Variants in DLG2 observed in about 807,000 individuals in gnomAD.
DLG2 encodes disks large homolog 2.
A neutral mutation model predicts 132.5 loss-of-function variants in DLG2; 45 were observed. The ratio of observed to expected loss-of-function variants is 0.34; its 90% CI spans 0.27 to 0.44. The LOEUF (loss-of-function observed/expected upper bound fraction) is 0.44, where lower values mean the gene tolerates loss of function less well. DLG2 is among the 20% of genes least tolerant of loss of function. The pLI is 1.00. For missense variants in DLG2, 1,045 were observed against 1,196.9 expected (o/e 0.87, Z 1.87); for synonymous variants, 424 against 419.6 (o/e 1.01, Z -0.13).
intron 6 of DLG2, among the ~76,000 whole-genome samples, chr11:84,579,188 CGTGTGTGTGTGTGT>C (rs140667305): frequency 2.7e-5 from 4 of 145,596 alleles, no homozygotes; most frequent in African/African-American, 5.1e-5. Context: ...GCATTATTCA[CGTGTGTGTGTGTGT>C]GTGTGTGTGT....
At chr11:84,367,430 A>G (rs149315081) in intron 7 of DLG2, among the ~76,000 whole-genome samples, 2 of 152,214 alleles carry the variant, frequency 1.3e-5, no homozygotes, top group Non-Finnish European at 2.9e-5. Context: ...CATGAACTGT[A>G]GTTGTCAAGT....
chr11:84,953,067 C>T (rs1288209165), intron 6 of DLG2, among the ~76,000 whole-genome samples: 1 of 152,146 alleles, frequency 6.6e-6, no homozygotes, highest in African/African-American at 2.4e-5. Flanking sequence ...TTTTTTAAAA[C>T]CTGGTCCATT....
chr11:84,338,083 CA>C lies in DLG2; in HGVS notation c.520-86793del, dbSNP rs770562575. Among the ~76,000 whole-genome samples the C allele has an allele frequency of 2.3e-4, 35 of 149,708 alleles. 1 individual carries two copies. Among genetic ancestry groups the C allele is most frequent in the Middle Eastern group, 3.4e-3 (1 of 292 alleles). On this transcript the variant is annotated intron_variant, in intron 7 of 27. Coordinates refer to ENST00000376104, the MANE Select transcript of DLG2 (RefSeq NM_001142699.3). ...CAATGCTTAGCATACAACTTGGTAC[CA>C]AAAAAAAATAAGAGAGATATTTATT...
At chr11:85,584,758 AG>A (rs1488365504) in intron 3 of DLG2, among the ~76,000 whole-genome samples, 1 of 152,112 alleles carries the variant, frequency 6.6e-6, no homozygotes, top group African/African-American at 2.4e-5. Context: ...TTACTGATGT[AG>A]AGCATTTTCT....
chr11:84,626,108 T>A (rs1416079553), intron 6 of DLG2, among the ~76,000 whole-genome samples: 3 of 152,222 alleles, frequency 2.0e-5, no homozygotes, highest in Non-Finnish European at 4.4e-5. Flanking sequence ...TTATCTTTTA[T>A]TATGAAAACA....
chr11:84,729,566 T>G (rs1310519129), intron 6 of DLG2, among the ~76,000 whole-genome samples: 1 of 152,014 alleles, frequency 6.6e-6, no homozygotes, highest in Non-Finnish European at 1.5e-5. Flanking sequence ...TGAATTGGAG[T>G]GGAGAGTTCT....
chr11:85,104,050 T>G (rs2071306657), intron 6 of DLG2, among the ~76,000 whole-genome samples: 1 of 151,844 alleles, frequency 6.6e-6, no homozygotes, highest in Non-Finnish European at 1.5e-5. Flanking sequence ...ATACAAAAGA[T>G]AGGTAATAAC....
intron 3 of DLG2, among the ~76,000 whole-genome samples, chr11:85,490,672 T>C (rs1258421567): frequency 2.6e-5 from 4 of 152,032 alleles, no homozygotes; most frequent in Non-Finnish European, 1.5e-5. Context: ...AAGCACTATA[T>C]GCTCACAAAC....
chr11:85,019,205 T>G (rs2059823552), intron 6 of DLG2, among the ~76,000 whole-genome samples: 1 of 152,188 alleles, frequency 6.6e-6, no homozygotes, highest in Non-Finnish European at 1.5e-5. Flanking sequence ...CTTTTTATTG[T>G]TAAGTCATAA....
chr11:85,400,940 A>T (rs1044072786), intron 3 of DLG2, among the ~76,000 whole-genome samples: 15 of 142,358 alleles, frequency 1.1e-4, no homozygotes, highest in South Asian at 4.5e-4. Context: ...AATAATAATT[A>T]AAAAAAAAAA....
At chr11:84,172,518 C>CTTATTTAT (rs71066098) in intron 8 of DLG2, among the ~76,000 whole-genome samples, 1,774 of 134,504 alleles carry the variant, frequency 0.013, 14 homozygotes, top group Non-Finnish European at 0.02. Flanking sequence ...TTTTTCCATT[C>CTTATTTAT]TTATTTATTT....
chr11:84,795,527 C>T (rs995075959), intron 6 of DLG2, among the ~76,000 whole-genome samples: 1 of 152,154 alleles, frequency 6.6e-6, no homozygotes, highest in African/African-American at 2.4e-5. Flanking sequence ...TGTTCTGTCA[C>T]TCAGTAAAGC....
intron 11 of DLG2, among the ~76,000 whole-genome samples, chr11:84,021,374 A>G (rs1353411579): frequency 6.6e-6 from 1 of 152,138 alleles, no homozygotes; most frequent in Non-Finnish European, 1.5e-5. Context: ...ATGATTTACA[A>G]TCTGTTATAA....
intron 7 of DLG2, among the ~76,000 whole-genome samples, chr11:84,357,365 C>T (rs540777811): frequency 4.5e-4 from 69 of 152,124 alleles, no homozygotes; most frequent in Middle Eastern, 6.8e-3. Context: ...ACTCCAAGTC[C>T]ATGTATGTCT....
intron 7 of DLG2, among the ~76,000 whole-genome samples, chr11:84,374,371 G>C (rs1366697864): frequency 6.6e-6 from 1 of 152,160 alleles, no homozygotes; most frequent in Non-Finnish European, 1.5e-5. Flanking sequence ...ATGTTCTAAA[G>C]CAAGCTTGTT....
At chr11:84,171,029 G>A (rs1422772591) in intron 8 of DLG2, among the ~76,000 whole-genome samples, 2 of 152,020 alleles carry the variant, frequency 1.3e-5, no homozygotes, top group Non-Finnish European at 2.9e-5. Context: ...CTAAATAGTG[G>A]TATCACTTTC....
At chr11:84,501,802 A>C (rs2099206509) in intron 7 of DLG2, among the ~76,000 whole-genome samples, 1 of 152,220 alleles carries the variant, frequency 6.6e-6, no homozygotes, top group Non-Finnish European at 1.5e-5. Context: ...TATCTGATCA[A>C]GCCACCAAAA....
At chr11:84,899,630 T>G (rs1287101780) in intron 6 of DLG2, among the ~76,000 whole-genome samples, 1 of 152,034 alleles carries the variant, frequency 6.6e-6, no homozygotes, top group Admixed American at 6.6e-5. Flanking sequence ...ATTACATAAA[T>G]GTCAATTTTA....
intron 3 of DLG2, among the ~76,000 whole-genome samples, 160 bp from the exon 4 acceptor site, chr11:85,285,525 CT>C (rs1170238715): frequency 2.0e-5 from 3 of 151,934 alleles, no homozygotes; most frequent in African/African-American, 7.2e-5. Context: ...TGAAAATTAT[CT>C]TTTTACCTGC....
Sources: allele counts gnomAD v4.1 joint callset (sites outside exome capture counted in the v4.1 genomes callset), GRCh38; gene constraint gnomAD v4.1.1; transcripts MANE v1.5; gene names NCBI Gene and HGNC (gene_info 2026-07-23, HGNC 2026-07-21).